Variants in CAMTA1 observed in about 807,000 individuals in gnomAD.
CAMTA1 encodes calmodulin-binding transcription activator 1.
In CAMTA1, 27 loss-of-function variants were observed where a neutral mutation model predicts 170.9. The observed-to-expected ratio is 0.16, with a 90% CI of 0.12 to 0.22. The LOEUF is 0.22. Among genes scored for constraint, CAMTA1 ranks in the 10% least tolerant of loss-of-function variants. The pLI is 1.00. For synonymous variants in CAMTA1, 833 were observed against 891.5 expected, an observed-to-expected ratio of 0.93 and a Z score of 1.17; for missense variants, 1,619 against 2,217.2, an observed-to-expected ratio of 0.73 and a Z score of 5.42.
chr1:7,436,546 G>A (rs962174761), intron 5 of CAMTA1, among the ~76,000 whole-genome samples: 2 of 152,180 alleles, frequency 1.3e-5, no homozygotes, highest in Non-Finnish European at 2.9e-5. Flanking sequence ...AGGGCCCCAG[G>A]GAACCTGAGG....
chr1:7,369,317 C>G (rs1557602534), intron 5 of CAMTA1, among the ~76,000 whole-genome samples: 1 of 152,290 alleles, frequency 6.6e-6, no homozygotes, highest in East Asian at 1.9e-4. Flanking sequence ...GAACAGAGTT[C>G]AGACTTGAAC....
At chr1:7,684,770 A>G (rs977327209) in intron 11 of CAMTA1, among the ~76,000 whole-genome samples, 4 of 152,218 alleles carry the variant, frequency 2.6e-5, no homozygotes, top group Non-Finnish European at 4.4e-5. Context: ...CCCTGTAGAC[A>G]TGAGCATTTG....
chr1:7,301,140 A>G (rs1309051321), intron 5 of CAMTA1, among the ~76,000 whole-genome samples: 1 of 152,226 alleles, frequency 6.6e-6, no homozygotes, highest in Non-Finnish European at 1.5e-5. Context: ...CAGGGGCCAG[A>G]CACAAGGATC....
intron 3 of CAMTA1, among the ~76,000 whole-genome samples, chr1:6,995,266 T>C (rs10128022): frequency 0.35 from 50,815 of 146,632 alleles, 9,777 homozygotes; most frequent in African/African-American, 0.51. Flanking sequence ...ACATTTACTT[T>C]AGATCCTTTA....
At chr1:7,107,264 G>GT (rs1643680596) in intron 4 of CAMTA1, among the ~76,000 whole-genome samples, 1 of 99,574 alleles carries the variant, frequency 1.0e-5, no homozygotes, top group Non-Finnish European at 2.0e-5. Flanking sequence ...GTGTGCATGT[G>GT]TATGTGTGTG....
intron 3 of CAMTA1, among the ~76,000 whole-genome samples, chr1:6,878,572 A>G (rs758908642): frequency 6.6e-6 from 1 of 152,228 alleles, no homozygotes; most frequent in Non-Finnish European, 1.5e-5. Context: ...TTAATGGTCA[A>G]TTGAGTGCAG....
chr1:6,833,563 C>A (rs183191954), intron 3 of CAMTA1, among the ~76,000 whole-genome samples: 1 of 152,162 alleles, frequency 6.6e-6, no homozygotes, highest in Non-Finnish European at 1.5e-5. Context: ...ATTTGGCATG[C>A]GGTACTATCT....
chr1:7,169,574 A>G (rs528229609), intron 4 of CAMTA1, among the ~76,000 whole-genome samples: 12 of 152,246 alleles, frequency 7.9e-5, no homozygotes, highest in African/African-American at 2.9e-4. Flanking sequence ...GTGCAATCTC[A>G]GATCTCAGTT....
chr1:6,889,882 G>C (rs1674142093), intron 3 of CAMTA1, among the ~76,000 whole-genome samples: 2 of 152,152 alleles, frequency 1.3e-5, no homozygotes, highest in Admixed American at 1.3e-4. Context: ...AGTATTTTCT[G>C]CTGCTGCATG....
chr1:6,899,591 CACAG>C (rs1257043303), intron 3 of CAMTA1, among the ~76,000 whole-genome samples: 2 of 149,752 alleles, frequency 1.3e-5, no homozygotes, highest in East Asian at 2.0e-4. Flanking sequence ...CACACACACA[CACAG>C]AGTTTCACTA....
chr1:7,680,150 C>G lies in CAMTA1; in HGVS notation c.2914+2417C>G. Reference sequence around the variant, plus strand: ...TCGGGAGCGCGGGGGTCCCGGGCCTCTGGCCAGCCACGGGGCCTGGCCATG... The same window carrying G: ...TCGGGAGCGCGGGGGTCCCGGGCCTGTGGCCAGCCACGGGGCCTGGCCATG... On this transcript the variant is annotated intron_variant, in intron 11 of 22. Transcript: ENST00000303635. The surrounding 1 kb of genome is among the most constrained non-coding windows in gnomAD (Gnocchi z 4.4). 1.0e-5 allele frequency: 2 copies of G among 198,280 alleles called. No individual in the cohort carries two copies. The highest frequency in any genetic ancestry group is 5.2e-5 in the South Asian group (1 of 19,072). 12.3% of individuals were successfully genotyped at this position (198,280 alleles called of 1,614,324 possible). A position where few individuals can be genotyped will look rare whatever the true frequency, so the allele number is the denominator to read the frequency against.
chr1:7,415,927 C>T (rs2149284827), intron 5 of CAMTA1, among the ~76,000 whole-genome samples: 1 of 152,246 alleles, frequency 6.6e-6, no homozygotes, highest in Admixed American at 6.5e-5. Context: ...TTAGTGCTTC[C>T]TTCAGGAGCT....
intron 1 of CAMTA1, among the ~76,000 whole-genome samples, chr1:6,793,334 C>T (rs1021197842): frequency 6.6e-6 from 1 of 152,110 alleles, no homozygotes. Flanking sequence ...TATCAGTTAC[C>T]ACAAGGTAAG....
At chr1:6,951,564 A>G (rs560234175) in intron 3 of CAMTA1, among the ~76,000 whole-genome samples, 1 of 152,322 alleles carries the variant, frequency 6.6e-6, no homozygotes, top group African/African-American at 2.4e-5. Flanking sequence ...GACTATTGGG[A>G]AGAACAAAAA....
At chr1:7,030,028 G>A (rs1702574304) in intron 3 of CAMTA1, among the ~76,000 whole-genome samples, 1 of 152,108 alleles carries the variant, frequency 6.6e-6, no homozygotes, top group Non-Finnish European at 1.5e-5. Flanking sequence ...AAGAAATTTA[G>A]CTTTACACAG....
At chr1:7,208,547 G>A (rs1658178030) in intron 4 of CAMTA1, among the ~76,000 whole-genome samples, 1 of 152,200 alleles carries the variant, frequency 6.6e-6, no homozygotes, top group East Asian at 1.9e-4. Context: ...TCTGTTGAAG[G>A]TGTAAATCAA....
chr1:7,664,260 G>A lies in CAMTA1; in HGVS notation c.1713G>A (p.Ser571=), dbSNP rs761982256. The change falls in exon 9 of 23, where the codon TCG becomes TCA. Residue 571 remains serine (S), a synonymous_variant. Coordinates refer to ENST00000303635, the MANE Select transcript of CAMTA1 (RefSeq NM_015215.4). ...CCGCCGGCTCCAGCCTCCTGCCGTC[G>A]GGCGGCGGCCTGAGTCCCAGCACCA... ...TLTAGSSLLP[S]GGGLSPSTTL... is the part of the protein sequence containing the mutation. 10 of 1,612,508 alleles carry A rather than the reference G, an allele frequency of 6.2e-6. No individual in the cohort carries two copies. Among genetic ancestry groups the A allele is most frequent in the African/African-American group, 2.7e-5 (2 of 74,936 alleles).
intron 5 of CAMTA1, among the ~76,000 whole-genome samples, chr1:7,410,830 G>A (rs1265563872): frequency 2.6e-5 from 4 of 152,120 alleles, no homozygotes; most frequent in African/African-American, 4.8e-5. Context: ...GCGCTCTGCT[G>A]GGAGATACTT....
At chr1:7,566,101 T>G (rs2095038137) in intron 6 of CAMTA1, among the ~76,000 whole-genome samples, 1 of 152,170 alleles carries the variant, frequency 6.6e-6, no homozygotes, top group Non-Finnish European at 1.5e-5. Context: ...CAGGATACAA[T>G]TCAGCCATAG....
Sources: gnomAD v4.1 joint callset for allele counts (sites outside exome capture counted in the v4.1 genomes callset) on GRCh38, gnomAD v4.1.1 for gene constraint, Gnocchi (gnomAD v3.1) non-coding constraint, MANE v1.5 for transcripts, NCBI Gene and HGNC (gene_info 2026-07-23, HGNC 2026-07-21) for gene names.